The following BBX variants were observed in gnomAD, a reference collection of about 807,000 sequenced individuals.
BBX encodes BBX high mobility group box domain containing.
In BBX, 30 loss-of-function variants were observed where a neutral mutation model predicts 100.2. The observed-to-expected ratio is 0.30, with a 90% CI of 0.22 to 0.41. The LOEUF (loss-of-function observed/expected upper bound fraction) is 0.41. Among genes scored for constraint, BBX ranks in the 10% least tolerant of loss-of-function variants. The pLI is 1.00. For missense variants in BBX, 1,023 were observed against 1,129.8 expected, an observed-to-expected ratio of 0.91 and a Z score of 1.35; for synonymous variants, 376 against 388.1, an observed-to-expected ratio of 0.97 and a Z score of 0.37.
At chr3:107,721,899 A>G (rs2062569148) in intron 5 of BBX, among the ~76,000 whole-genome samples, 1 of 151,982 alleles carries the variant, frequency 6.6e-6, no homozygotes, top group Non-Finnish European at 1.5e-5. Context: ...AAAACTCTAT[A>G]CAAATGTTGG....
chr3:107,798,740 G>A lies in BBX; in HGVS notation c.2551+20G>A. 1 of 1,606,960 alleles carries A rather than the reference G, an allele frequency of 6.2e-7. No individual in the cohort carries two copies. The highest frequency in any genetic ancestry group is 8.5e-7 in the Non-Finnish European group (1 of 1,175,314). On this transcript the variant is annotated intron_variant, in intron 16 of 17. Transcript: ENST00000325805. ...CTTTGGGTAAGAAGAGAGAGCTTTA[G>A]ACCAGAGGTGTCCAATCTTTTAGCT...
chr3:107,639,698 T>A (rs1305321733), intron 2 of BBX, among the ~76,000 whole-genome samples: 1 of 152,158 alleles, frequency 6.6e-6, no homozygotes, highest in African/African-American at 2.4e-5. Context: ...ACATTCATGG[T>A]TCCACCATGG....
chr3:107,715,999 T>C (rs2062075925), intron 4 of BBX, among the ~76,000 whole-genome samples: 1 of 152,158 alleles, frequency 6.6e-6, no homozygotes, highest in Non-Finnish European at 1.5e-5. Context: ...ATGTTAAATA[T>C]CGATTTTGAT....
intron 2 of BBX, among the ~76,000 whole-genome samples, chr3:107,620,197 ATTT>A (rs2055636865): frequency 6.6e-6 from 1 of 151,238 alleles, no homozygotes; most frequent in Admixed American, 6.6e-5. Flanking sequence ...TAAATTTTTT[ATTT>A]TGGTTATTGA....
At chr3:107,764,145 A>G (rs1468597418) in intron 10 of BBX, among the ~76,000 whole-genome samples, 1 of 152,170 alleles carries the variant, frequency 6.6e-6, no homozygotes, top group Non-Finnish European at 1.5e-5. Context: ...GGCGCCCGCC[A>G]CCATGCCCAG....
chr3:107,527,886 G>C (rs1427557357), intron 2 of BBX, among the ~76,000 whole-genome samples: 3 of 152,116 alleles, frequency 2.0e-5, no homozygotes, highest in East Asian at 1.9e-4. Flanking sequence ...GATTACTAAA[G>C]AACACCACAT....
chr3:107,618,091 G>T (rs947339056), intron 2 of BBX, among the ~76,000 whole-genome samples: 1 of 151,806 alleles, frequency 6.6e-6, no homozygotes, highest in Admixed American at 6.6e-5. Flanking sequence ...TCATGAATGG[G>T]TGTTGAATTA....
At chr3:107,633,942 AC>A (rs765014600) in intron 2 of BBX, among the ~76,000 whole-genome samples, 5 of 152,154 alleles carry the variant, frequency 3.3e-5, no homozygotes, top group Non-Finnish European at 5.9e-5. Flanking sequence ...TTATGTTCTT[AC>A]CAGATGTAGA....
At chr3:107,659,476 T>C (rs2058329358) in intron 3 of BBX, 1 of 158,756 alleles carries the variant, frequency 6.3e-6, no homozygotes, top group Admixed American at 6.4e-5. Flanking sequence ...TGAATTTTGA[T>C]AAATGCATAC....
intron 2 of BBX, among the ~76,000 whole-genome samples, chr3:107,544,572 TTATAAA>T (rs2049078457): frequency 1.3e-5 from 2 of 151,966 alleles, no homozygotes; most frequent in South Asian, 2.1e-4. Flanking sequence ...ACTTTAAAAG[TTATAAA>T]TATAATAGAA....
intron 3 of BBX, among the ~76,000 whole-genome samples, chr3:107,650,732 C>T (rs1318963961): frequency 6.6e-6 from 1 of 152,002 alleles, no homozygotes; most frequent in East Asian, 1.9e-4. Flanking sequence ...TAGAGTAAAA[C>T]CACCTCAAAA....
At chr3:107,719,402 C>A (rs547791441) in intron 5 of BBX, among the ~76,000 whole-genome samples, 7 of 151,954 alleles carry the variant, frequency 4.6e-5, no homozygotes, top group African/African-American at 1.7e-4. Flanking sequence ...ATTTTAAAAG[C>A]AAGAGTGAGT....
intron 2 of BBX, among the ~76,000 whole-genome samples, chr3:107,623,733 T>TA (rs903112698): frequency 6.6e-6 from 1 of 152,182 alleles, no homozygotes; most frequent in African/African-American, 2.4e-5. Flanking sequence ...CCCTGAAACT[T>TA]AAAGTTTCAT....
intron 5 of BBX, among the ~76,000 whole-genome samples, chr3:107,723,860 G>A (rs749872515): frequency 4.7e-4 from 71 of 152,114 alleles, no homozygotes; most frequent in Non-Finnish European, 8.1e-4. Flanking sequence ...GAGTATTGCC[G>A]CAATAAACAT....
intron 2 of BBX, among the ~76,000 whole-genome samples, chr3:107,549,434 A>G (rs989972518): frequency 1.3e-5 from 2 of 152,128 alleles, no homozygotes; most frequent in Non-Finnish European, 2.9e-5. Context: ...GTTTGTGATG[A>G]GATAGGGATC....
chr3:107,808,674 G>A lies in BBX; in HGVS notation c.*3217G>A, dbSNP rs1236040844. 6.6e-6 allele frequency: 1 copy of A among 152,032 alleles called. No individual in the cohort carries two copies. The highest frequency in any genetic ancestry group is 1.9e-4 in the East Asian group (1 of 5,186). 9.4% of individuals were successfully genotyped at this position (152,032 alleles called of 1,614,324 possible). On this transcript the variant is annotated 3_prime_UTR_variant, in exon 18 of 18. Coordinates refer to ENST00000325805, the MANE Select transcript of BBX (RefSeq NM_001142568.3). ...GTACTGTATATGAGATCAGGAAAAA[G>A]AAAAATGTCCCACAGCCACATTGGA...
At chr3:107,566,972 T>A (rs753018877) in intron 2 of BBX, among the ~76,000 whole-genome samples, 7 of 152,154 alleles carry the variant, frequency 4.6e-5, no homozygotes, top group Admixed American at 1.3e-4. Context: ...TCTCAGGTAG[T>A]GTAGTGATTG....
At chr3:107,549,318 AAAAT>A (rs2049481956) in intron 2 of BBX, among the ~76,000 whole-genome samples, 1 of 152,196 alleles carries the variant, frequency 6.6e-6, no homozygotes, top group Non-Finnish European at 1.5e-5. Flanking sequence ...GGGAAAACAG[AAAAT>A]AAATAAAATA....
chr3:107,790,395 C>T (rs1432017720), intron 14 of BBX, among the ~76,000 whole-genome samples: 1 of 152,092 alleles, frequency 6.6e-6, no homozygotes, highest in Non-Finnish European at 1.5e-5. Flanking sequence ...CCTCGTTTGC[C>T]AGGCTCTTGT....
Sources: allele counts gnomAD v4.1 joint callset (sites outside exome capture counted in the v4.1 genomes callset), GRCh38; gene constraint gnomAD v4.1.1; transcripts MANE v1.5; gene names NCBI Gene and HGNC (gene_info 2026-07-23, HGNC 2026-07-21).